The following ZNF362 variants were observed in gnomAD, a reference collection of about 807,000 sequenced individuals.
ZNF362 encodes zinc finger protein 362, also known as rotund homolog.
ZNF362 carries 11 observed loss-of-function variants against 42.9 expected under a neutral mutation model. That is an observed-to-expected ratio of 0.26 (90% CI 0.16 to 0.42). ZNF362 has a LOEUF of 0.42. ZNF362 is among the 20% of genes least tolerant of loss of function. ZNF362 has a pLI of 1.00. For missense variants in ZNF362, 362 were observed against 576.2 expected (o/e 0.63, Z 3.81); for synonymous variants, 255 against 257.3 (o/e 0.99, Z 0.09).
upstream of ZNF362, among the ~76,000 whole-genome samples, chr1:33,255,840 C>T (rs1645784119): frequency 6.6e-6 from 1 of 152,014 alleles, no homozygotes; most frequent in African/African-American, 2.4e-5. Context: ...CTGGGGGTCC[C>T]CTCCAGGCGG....
chr1:33,227,523 G>A, the ZNF362 span, among the ~76,000 whole-genome samples: 13 of 152,288 alleles, frequency 8.5e-5, no homozygotes, highest in South Asian at 2.1e-3. Context: ...GGAGCCAGAC[G>A]TGTGAGTGAA....
chr1:33,158,448 G>A, the ZNF362 span: 1 of 1,127,918 alleles, frequency 8.9e-7, no homozygotes, highest in Non-Finnish European at 1.3e-6. Flanking sequence ...GCCACCTTCA[G>A]GGCAGCTGGC....
the ZNF362 span, among the ~76,000 whole-genome samples, chr1:33,218,431 C>T: frequency 1.7e-3 from 250 of 150,408 alleles, no homozygotes; most frequent in African/African-American, 4.5e-3. Context: ...GACCCTGTCT[C>T]AAAAAAAAAT....
chr1:33,140,739 G>T, the ZNF362 span, among the ~76,000 whole-genome samples: 3 of 152,252 alleles, frequency 2.0e-5, no homozygotes, highest in East Asian at 5.8e-4. The surrounding 1 kb of genome is among the most constrained non-coding windows in gnomAD (Gnocchi z 4.0). Flanking sequence ...GCCAGCAAAG[G>T]AGGACCAGGT....
At chr1:33,136,478 C>T in the ZNF362 span, among the ~76,000 whole-genome samples, 24 of 151,968 alleles carry the variant, frequency 1.6e-4, no homozygotes, top group Admixed American at 1.0e-3. Flanking sequence ...AAGCAATTCT[C>T]ATGCCTCAGC....
chr1:33,277,311 G>T (rs902247115), intron 4 of ZNF362, among the ~76,000 whole-genome samples: 2 of 152,224 alleles, frequency 1.3e-5, no homozygotes, highest in East Asian at 3.8e-4. Flanking sequence ...GTGCAACCAC[G>T]GTTTACAGCT....
chr1:33,151,993 C>A, the ZNF362 span, among the ~76,000 whole-genome samples: 1 of 152,216 alleles, frequency 6.6e-6, no homozygotes, highest in Admixed American at 6.5e-5. Context: ...TCTGGCCAGG[C>A]CTTTAAAAAA....
chr1:33,130,144 C>T, the ZNF362 span, among the ~76,000 whole-genome samples: 1 of 152,184 alleles, frequency 6.6e-6, no homozygotes, highest in African/African-American at 2.4e-5. Context: ...CAGGTATGAA[C>T]CACTGCACCT....
At chr1:33,187,399 T>A in the ZNF362 span, among the ~76,000 whole-genome samples, 4 of 152,212 alleles carry the variant, frequency 2.6e-5, no homozygotes, top group Non-Finnish European at 5.9e-5. Flanking sequence ...TTAAGTTTCA[T>A]GTTCTGTCAC....
At chr1:33,239,650 A>G in the ZNF362 span, among the ~76,000 whole-genome samples, 57 of 152,290 alleles carry the variant, frequency 3.7e-4, no homozygotes, top group Non-Finnish European at 7.3e-4. Flanking sequence ...CTAGATTCAT[A>G]AAACCATCAG....
the ZNF362 span, among the ~76,000 whole-genome samples, chr1:33,234,110 G>A: frequency 6.6e-6 from 1 of 152,122 alleles, no homozygotes; most frequent in Admixed American, 6.5e-5. Flanking sequence ...AGAATGAATG[G>A]GGCAGTGGAA....
chr1:33,208,942 A>G, the ZNF362 span, among the ~76,000 whole-genome samples: 1 of 152,212 alleles, frequency 6.6e-6, no homozygotes, highest in African/African-American at 2.4e-5. Context: ...TGCCCTGGCC[A>G]GAACTTCCAA....
the ZNF362 span, among the ~76,000 whole-genome samples, chr1:33,180,177 T>C: frequency 1.3e-5 from 2 of 152,158 alleles, no homozygotes; most frequent in Non-Finnish European, 2.9e-5. Flanking sequence ...TCACTTAGTC[T>C]TCAAAAGTCC....
chr1:33,181,228 C>T, the ZNF362 span: 1 of 1,569,386 alleles, frequency 6.4e-7, no homozygotes, highest in Non-Finnish European at 8.6e-7. This position sits in a 1 kb window ranked among gnomAD's most constrained non-coding sequence, Gnocchi z 6.5. Context: ...ACGATGTTGG[C>T]CAGCTTGAGG....
the ZNF362 span, among the ~76,000 whole-genome samples, chr1:33,243,854 C>T: frequency 6.6e-6 from 1 of 151,752 alleles, no homozygotes. Context: ...GTGATCCGCC[C>T]GCCTCGGCCT....
chr1:33,158,408 G>T, the ZNF362 span: 1 of 1,582,562 alleles, frequency 6.3e-7, no homozygotes, highest in Admixed American at 1.7e-5. Context: ...CCAGGGACTG[G>T]ATTCCTGCCC....
chr1:33,264,234 C>T (rs1384276089), intron 1 of ZNF362, among the ~76,000 whole-genome samples: 1 of 152,142 alleles, frequency 6.6e-6, no homozygotes, highest in African/African-American at 2.4e-5. Context: ...TAATCTCAGA[C>T]CTGGATCTTT....
rs1199501168 is a variant in ZNF362 at position 33,276,409 on chromosome 1, C to T, written c.164C>T (p.Pro55Leu). 10 of 1,582,106 alleles carry T rather than the reference C, an allele frequency of 6.3e-6. No individual in the cohort carries two copies. The highest frequency in any genetic ancestry group is 8.6e-6 in the Non-Finnish European group (10 of 1,164,818). ...KEQLMAEKIRPPHLPPTSASS... is the reference protein window; with the variant it reads ...KEQLMAEKIRLPHLPPTSASS... Reference sequence around the variant, plus strand: ...CAGCTGATGGCCGAGAAGATCAGGCCGCCTCACCTGCCGCCCACGTCGGCC... The same window carrying T: ...CAGCTGATGGCCGAGAAGATCAGGCTGCCTCACCTGCCGCCCACGTCGGCC... Residue 55 changes from proline to leucine, a missense_variant, in exon 4 of 9, where the codon CCG becomes CTG. Coordinates refer to ENST00000539719, the MANE Select transcript of ZNF362 (RefSeq NM_152493.3).
At chr1:33,203,887 T>A in the ZNF362 span, among the ~76,000 whole-genome samples, 1 of 152,186 alleles carries the variant, frequency 6.6e-6, no homozygotes, top group Non-Finnish European at 1.5e-5. Context: ...ATATCAGATG[T>A]ACGGTTTGCA....
Sources: gnomAD v4.1 joint callset for allele counts (sites outside exome capture counted in the v4.1 genomes callset) on GRCh38, gnomAD v4.1.1 for gene constraint, Gnocchi (gnomAD v3.1) non-coding constraint, MANE v1.5 for transcripts, NCBI Gene and HGNC (gene_info 2026-07-23, HGNC 2026-07-21) for gene names.